ADGRA1: variants seen among roughly 807,000 people sequenced by gnomAD.
ADGRA1 encodes adhesion G protein-coupled receptor A1.
ADGRA1 carries 12 observed loss-of-function variants against 21.3 expected under a neutral mutation model. That is an observed-to-expected ratio of 0.56 (90% CI 0.36 to 0.91). The LOEUF (loss-of-function observed/expected upper bound fraction) is 0.91, where lower values mean the gene tolerates loss of function less well. ADGRA1 is among the 40% of genes least tolerant of loss of function. The pLI, the probability that ADGRA1 is intolerant of heterozygous loss-of-function variation, is 0.01. For synonymous variants in ADGRA1, 385 were observed against 368.8 expected (o/e 1.04, Z -0.50); for missense variants, 790 against 805.6 (o/e 0.98, Z 0.23).
In ADGRA1 at chr10:133,129,180, C is replaced by G; in HGVS notation, c.1352C>G (p.Ser451Trp). ...PSSLDGSPRS[S>W]RTDSPPSSLD... Reference sequence around the variant, plus strand: ...AGCCTGGATGGCAGCCCCCGCAGCTCGCGCACAGACAGCCCCCCCAGCTCT... The same window carrying G: ...AGCCTGGATGGCAGCCCCCGCAGCTGGCGCACAGACAGCCCCCCCAGCTCT... Residue 451 changes from serine to tryptophan, a missense_variant, in exon 7 of 7, where the codon TCG becomes TGG. Transcript: ENST00000392607. 1 of 1,550,840 alleles carries G rather than the reference C, an allele frequency of 6.4e-7. No homozygotes were observed. The highest frequency in any genetic ancestry group is 8.7e-7 in the Non-Finnish European group (1 of 1,147,206).
intron 5 of ADGRA1, among the ~76,000 whole-genome samples, chr10:133,122,155 C>G (rs1852281688): frequency 6.6e-6 from 1 of 152,232 alleles, no homozygotes; most frequent in South Asian, 2.1e-4. Flanking sequence ...GTGCTGCTCA[C>G]CTGAGCCCAG....
intron 2 of ADGRA1, 94 bp downstream of exon 2, chr10:133,089,006 G>T: frequency 8.1e-7 from 1 of 1,234,680 alleles, no homozygotes; most frequent in South Asian, 4.1e-5. Context: ...TGGAAAAGTT[G>T]TGGAATGGCG....
chr10:133,118,547 C>G (rs1289379574), intron 5 of ADGRA1, among the ~76,000 whole-genome samples: 3 of 152,094 alleles, frequency 2.0e-5, no homozygotes, highest in Non-Finnish European at 4.4e-5. Context: ...AGAAGCAGCA[C>G]CTTCTTCACA....
At chr10:133,092,657 C>A (rs1461226912) in intron 2 of ADGRA1, among the ~76,000 whole-genome samples, 2 of 151,512 alleles carry the variant, frequency 1.3e-5, no homozygotes, top group African/African-American at 2.4e-5. Context: ...GGCACAGAAC[C>A]AGGAAGTAAA....
rs1193977143 is a variant in ADGRA1, at chr10:133,097,999, T to A, written c.132-641T>A. Reference sequence around the variant, plus strand: ...TGGTGGTTAGTGCCGTCCTACCAACTCGGGGGGAGGCAGATAAAATACATT... The same window carrying A: ...TGGTGGTTAGTGCCGTCCTACCAACACGGGGGGAGGCAGATAAAATACATT... On this transcript the variant is annotated intron_variant, in intron 3 of 6. Coordinates refer to ENST00000392607, the MANE Select transcript of ADGRA1 (RefSeq NM_001083909.3). Among the ~76,000 whole-genome samples the A allele has an allele frequency of 3.3e-5, 5 of 152,214 alleles. No individual in the cohort carries two copies. The East Asian group carries it at 9.7e-4, about 30-fold the overall frequency.
At chr10:133,120,633 G>T (rs1852237223) in intron 5 of ADGRA1, among the ~76,000 whole-genome samples, 1 of 152,228 alleles carries the variant, frequency 6.6e-6, no homozygotes, top group Non-Finnish European at 1.5e-5. Flanking sequence ...GGGTTAAAGA[G>T]AGTTAGGGTC....
chr10:133,092,584 G>A (rs1005691858), intron 2 of ADGRA1, among the ~76,000 whole-genome samples: 1 of 152,056 alleles, frequency 6.6e-6, no homozygotes. Context: ...ATCAGTAGAT[G>A]CAATTATTAT....
intron 5 of ADGRA1, among the ~76,000 whole-genome samples, chr10:133,108,647 G>T (rs897962943): frequency 2.6e-5 from 4 of 152,138 alleles, no homozygotes; most frequent in Non-Finnish European, 4.4e-5. Context: ...ACTAGACTCT[G>T]TTGCAAGACT....
intron 3 of ADGRA1, among the ~76,000 whole-genome samples, chr10:133,098,000 C>CG (rs1375338256): frequency 6.6e-6 from 1 of 152,158 alleles, no homozygotes; most frequent in Non-Finnish European, 1.5e-5. Flanking sequence ...CCTACCAACT[C>CG]GGGGGGAGGC....
At chr10:133,089,073 G>A (rs889855717) in intron 2 of ADGRA1, 161 bp downstream of exon 2, 6 of 1,215,140 alleles carry the variant, frequency 4.9e-6, no homozygotes, top group African/African-American at 4.7e-5. Flanking sequence ...GTGGAGTGGG[G>A]GCCGGGGACA....
rs757194648 is a variant in ADGRA1, at chr10:133,128,452, G to A, written c.624G>A (p.Arg208=). The A allele has an allele frequency of 6.3e-7, 1 of 1,598,464 alleles. No homozygotes were observed. The highest frequency in any genetic ancestry group is 1.7e-5 in the Admixed American group (1 of 58,638). ...YVQLRRHPGR[R]YELRTQPEEQ... The stretch of plus-strand genomic sequence containing the variant: ...AGCTGCGGCGCCACCCAGGGCGCAG[G>A]TACGAGCTGCGCACACAGCCCGAGG... The change falls in exon 7 of 7, where the codon AGG becomes AGA. Residue 208 remains arginine, a synonymous_variant. Coordinates refer to ENST00000392607, the MANE Select transcript of ADGRA1 (RefSeq NM_001083909.3).
At chr10:133,122,672 C>T (rs1037224654) in intron 5 of ADGRA1, among the ~76,000 whole-genome samples, 1 of 152,256 alleles carries the variant, frequency 6.6e-6, no homozygotes, top group East Asian at 1.9e-4. Context: ...CCGGACACAC[C>T]AGCACAGCCA....
chr10:133,093,716 G>T (rs894599749), intron 2 of ADGRA1, among the ~76,000 whole-genome samples: 1 of 152,234 alleles, frequency 6.6e-6, no homozygotes, highest in Non-Finnish European at 1.5e-5. Context: ...CCCCCCAGGA[G>T]CCTGGCTGCA....
At chr10:133,102,249 G>A (rs761524754) in intron 4 of ADGRA1, 17 of 473,830 alleles carry the variant, frequency 3.6e-5, no homozygotes, top group South Asian at 1.2e-4. Flanking sequence ...TGCCGTCCCC[G>A]TGGGGGGCTC....
Position 133,102,561 on chromosome 10 carries a change from G to A in ADGRA1, c.256-136G>A, listed in dbSNP as rs139510120. 9,646 of 1,042,320 alleles carry A rather than the reference G, an allele frequency of 9.3e-3. 75 individuals carry two copies. Among genetic ancestry groups the A allele is most frequent in the Non-Finnish European group, 0.01 (7,528 of 721,136 alleles). The allele number at this position is 1,042,320 out of a possible 1,614,324, so 64.6% of individuals were successfully genotyped here. A position where few individuals can be genotyped will look rare whatever the true frequency, so the allele number is the denominator to read the frequency against. On this transcript the variant is annotated intron_variant, in intron 4 of 6. Coordinates refer to ENST00000392607, the MANE Select transcript of ADGRA1 (RefSeq NM_001083909.3). ...AGTTCTGGGCGGCTGTGGGGCGGCC[G>A]CTGCCTGCCCTGGGATACAGACGCT... is the stretch of plus-strand genomic sequence containing the variant.
intron 3 of ADGRA1, among the ~76,000 whole-genome samples, chr10:133,098,017 A>G (rs1851717598): frequency 1.3e-5 from 2 of 152,136 alleles, no homozygotes. Context: ...AGGCAGATAA[A>G]ATACATTTAG....
intron 2 of ADGRA1, among the ~76,000 whole-genome samples, chr10:133,089,570 G>C (rs762297377): frequency 6.6e-6 from 1 of 152,204 alleles, no homozygotes; most frequent in Non-Finnish European, 1.5e-5. Context: ...AGTGAACAAT[G>C]CATTGTGTGT....
At chr10:133,102,942 C>T (rs1346446752) in intron 5 of ADGRA1, 100 bp downstream of exon 5, 7 of 1,315,896 alleles carry the variant, frequency 5.3e-6, no homozygotes, top group Non-Finnish European at 7.3e-6. Context: ...CCACCAGGGG[C>T]CTGAGGATGA....
At chr10:133,109,286 G>A (rs879445660) in intron 5 of ADGRA1, among the ~76,000 whole-genome samples, 3 of 150,856 alleles carry the variant, frequency 2.0e-5, no homozygotes, top group Non-Finnish European at 3.0e-5. Context: ...CCCAGCCCCC[G>A]CTCCCTGGAC....
Sources: allele counts gnomAD v4.1 joint callset (sites outside exome capture counted in the v4.1 genomes callset), GRCh38; gene constraint gnomAD v4.1.1; transcripts MANE v1.5; gene names NCBI Gene and HGNC (gene_info 2026-07-23, HGNC 2026-07-21).